Variants in GULP1 observed in about 807,000 individuals in gnomAD.
GULP1 encodes PTB domain-containing engulfment adapter protein 1.
GULP1 carries 19 observed loss-of-function variants against 40.9 expected under a neutral mutation model. That is an observed-to-expected ratio of 0.46 (90% confidence interval 0.32 to 0.68). The LOEUF (loss-of-function observed/expected upper bound fraction) is 0.68. GULP1 is among the 30% of genes least tolerant of loss of function. The pLI is 0.03. For missense variants in GULP1, 312 were observed against 362.2 expected (o/e 0.86, Z 1.12); for synonymous variants, 119 against 117.6 (o/e 1.01, Z -0.08).
intron 6 of GULP1, among the ~76,000 whole-genome samples, chr2:188,537,510 A>G (rs989251532): frequency 6.6e-6 from 1 of 152,108 alleles, no homozygotes; most frequent in Admixed American, 6.6e-5. Context: ...ACGTTGAACA[A>G]ACCTTGCATC....
intron 2 of GULP1, among the ~76,000 whole-genome samples, chr2:188,467,764 A>T (rs2152992172): frequency 6.6e-6 from 1 of 152,296 alleles, no homozygotes; most frequent in South Asian, 2.1e-4. Context: ...CTAAATAAAC[A>T]TTTTAAAAGA....
chr2:188,292,469 TC>T lies in GULP1; in HGVS notation c.-172+305del, dbSNP rs1477646713. On this transcript the variant is annotated intron_variant, in intron 1 of 11. Coordinates refer to ENST00000409830, the MANE Select transcript of GULP1 (RefSeq NM_016315.4). This position sits in a 1 kb window ranked among gnomAD's most constrained non-coding sequence, Gnocchi z 4.0. Reference sequence around the variant, plus strand: ...CAGCGAGGTCGGGGACGCAGCGGTCTCCGGGCTCCAGAAACCTCCTTAGCCT... The same window carrying T: ...CAGCGAGGTCGGGGACGCAGCGGTCTCGGGCTCCAGAAACCTCCTTAGCCT... Among the ~76,000 whole-genome samples the T allele has an allele frequency of 6.6e-6, 1 of 152,212 alleles. No homozygotes were observed. The highest frequency in any genetic ancestry group is 1.5e-5 in the Non-Finnish European group (1 of 68,034).
At chr2:188,357,011 GA>G (rs2045420775) in intron 1 of GULP1, among the ~76,000 whole-genome samples, 1 of 152,052 alleles carries the variant, frequency 6.6e-6, no homozygotes, top group African/African-American at 2.4e-5. Context: ...TCCACATGCA[GA>G]AAAATAAAAC....
chr2:188,544,697 G>C (rs962359019), intron 7 of GULP1, among the ~76,000 whole-genome samples: 1 of 151,868 alleles, frequency 6.6e-6, no homozygotes, highest in South Asian at 2.1e-4. Flanking sequence ...ACAAGACAAA[G>C]ATTATAGACT....
chr2:188,504,846 G>A (rs2063755728), intron 4 of GULP1, among the ~76,000 whole-genome samples: 1 of 151,462 alleles, frequency 6.6e-6, no homozygotes, highest in Admixed American at 6.6e-5. Flanking sequence ...TTATGCTGCT[G>A]TTGAATAAAG....
At chr2:188,385,014 A>G (rs2049498793) in intron 2 of GULP1, among the ~76,000 whole-genome samples, 1 of 152,050 alleles carries the variant, frequency 6.6e-6, no homozygotes, top group African/African-American at 2.4e-5. Context: ...TTGTTGGTGG[A>G]TCTACCATTC....
intron 2 of GULP1, among the ~76,000 whole-genome samples, chr2:188,462,896 C>T (rs2059822415): frequency 6.6e-6 from 1 of 152,002 alleles, no homozygotes. Flanking sequence ...GGAATTAAAA[C>T]TTATAAAGAC....
intron 1 of GULP1, among the ~76,000 whole-genome samples, chr2:188,368,011 T>C (rs980685254): frequency 1.3e-5 from 2 of 152,182 alleles, no homozygotes; most frequent in Non-Finnish European, 2.9e-5. Flanking sequence ...GTCTCCTTTA[T>C]AGCAGAAACC....
intron 2 of GULP1, among the ~76,000 whole-genome samples, chr2:188,394,602 C>T (rs576643224): frequency 3.5e-4 from 54 of 152,118 alleles, no homozygotes; most frequent in South Asian, 1.2e-3. Flanking sequence ...TTATAGAACC[C>T]TGTTTTGTCA....
At chr2:188,417,771 C>T (rs1473847171) in intron 2 of GULP1, among the ~76,000 whole-genome samples, 1 of 151,822 alleles carries the variant, frequency 6.6e-6, no homozygotes, top group African/African-American at 2.4e-5. Flanking sequence ...TTATATTTCC[C>T]TCATTTGTAT....
At chr2:188,483,638 G>A (rs2061608619) in intron 4 of GULP1, 146 bp downstream of exon 4, 1 of 412,162 alleles carries the variant, frequency 2.4e-6, no homozygotes, top group African/African-American at 2.1e-5. Flanking sequence ...TTGTGGCATG[G>A]GAAGTTATTT....
intron 2 of GULP1, among the ~76,000 whole-genome samples, chr2:188,425,729 CTA>C (rs1018655303): frequency 6.6e-6 from 1 of 152,118 alleles, no homozygotes; most frequent in Non-Finnish European, 1.5e-5. Context: ...ACTACCTCAT[CTA>C]TATGAGTACT....
chr2:188,552,150 C>G (rs1036564333), intron 7 of GULP1, among the ~76,000 whole-genome samples: 1 of 151,450 alleles, frequency 6.6e-6, no homozygotes, highest in African/African-American at 2.4e-5. Context: ...ATTTATTTTT[C>G]TGTGTAGATG....
At chr2:188,405,760 G>T (rs2052995035) in intron 2 of GULP1, among the ~76,000 whole-genome samples, 1 of 152,216 alleles carries the variant, frequency 6.6e-6, no homozygotes, top group South Asian at 2.1e-4. Flanking sequence ...CCTGCCTGTG[G>T]ACCATACCAA....
intron 11 of GULP1, 102 bp from the exon 12 acceptor site, chr2:188,593,838 C>A: frequency 1.5e-6 from 1 of 686,728 alleles, no homozygotes; most frequent in South Asian, 1.8e-5. Flanking sequence ...ATTAGTTGAT[C>A]AAAGCATGAA....
chr2:188,421,583 C>G (rs779104829), intron 2 of GULP1, among the ~76,000 whole-genome samples: 17 of 152,130 alleles, frequency 1.1e-4, no homozygotes, highest in Admixed American at 6.5e-5. Flanking sequence ...CAATATGTGT[C>G]AGGCTAAGGC....
intron 4 of GULP1, among the ~76,000 whole-genome samples, chr2:188,500,727 G>C (rs1034313123): frequency 6.6e-6 from 1 of 151,794 alleles, no homozygotes; most frequent in Non-Finnish European, 1.5e-5. Flanking sequence ...ACAAAACTTG[G>C]AGTCAAAATT....
At chr2:188,306,824 C>T (rs979020526) in intron 1 of GULP1, among the ~76,000 whole-genome samples, 2 of 152,068 alleles carry the variant, frequency 1.3e-5, no homozygotes, top group African/African-American at 2.4e-5. Flanking sequence ...TTGATGTCTG[C>T]CAATATGTCT....
At chr2:188,534,978 C>T (rs561789534) in intron 6 of GULP1, among the ~76,000 whole-genome samples, 95 of 151,294 alleles carry the variant, frequency 6.3e-4, no homozygotes, top group African/African-American at 2.2e-3. Flanking sequence ...CCACAAGTCT[C>T]GATTTCCTAT....
Sources: allele counts gnomAD v4.1 joint callset (sites outside exome capture counted in the v4.1 genomes callset), GRCh38; gene constraint gnomAD v4.1.1; non-coding constraint Gnocchi (gnomAD v3.1); transcripts MANE v1.5; gene names NCBI Gene and HGNC (gene_info 2026-07-23, HGNC 2026-07-21).